Variants in GADL1 observed in about 807,000 individuals in gnomAD.
GADL1 encodes the protein acidic amino acid decarboxylase GADL1.
A neutral mutation model predicts 69.5 loss-of-function variants in GADL1; 71 were observed. The ratio of observed to expected loss-of-function variants is 1.02; its 90% CI spans 0.84 to 1.25. GADL1 has a LOEUF of 1.25. Ranked by LOEUF, GADL1 falls within the 50% of genes most tolerant of loss-of-function variation. The probability of loss-of-function intolerance (pLI) is 0.00; values close to 1 mark genes in which losing one functional copy is unlikely to be tolerated. For synonymous variants in GADL1, 254 were observed against 214.4 expected (o/e 1.18, Z -1.62); for missense variants, 737 against 631.8 (o/e 1.17, Z -1.79).
rs535328563 is a variant in GADL1, at chr3:30,751,764, C to G, written c.1393-23349G>C. ...TAGATTTCTGCTGCGCTGGTGCCCC[C>G]CGATGGTCTCGCCATTTCATGGCTC... On this transcript the variant is annotated intron_variant, in intron 14 of 14. Coordinates refer to ENST00000282538, the MANE Select transcript of GADL1 (RefSeq NM_207359.3). Among the ~76,000 whole-genome samples the G allele has an allele frequency of 1.4e-4, 21 of 152,034 alleles. 1 individual carries two copies. The highest frequency in any genetic ancestry group is 1.1e-3 in the Admixed American group (17 of 15,266).
intron 14 of GADL1, among the ~76,000 whole-genome samples, chr3:30,757,246 G>A (rs924713892): frequency 1.3e-5 from 2 of 151,946 alleles, no homozygotes; most frequent in Admixed American, 6.6e-5. Flanking sequence ...TCAATCAAGA[G>A]TCAAATACTC....
rs180700252 is a variant in GADL1, at chr3:30,891,563, T to G, written c.37+3015A>C. 1.5e-3 allele frequency among the ~76,000 whole-genome samples: 224 copies of G among 151,358 alleles called. 3 individuals are homozygous for G. The highest frequency in any genetic ancestry group is 5.2e-3 in the African/African-American group (214 of 41,218). ...AGGGCCAGGGATTAGGTGTTAGGAG[T>G]GTAGGGGTGCGGGACTCTGGAGTGA... On this transcript the variant is annotated intron_variant, in intron 1 of 14. Transcript: ENST00000282538.
At chr3:30,867,439 T>TACAC (rs1553603472) in intron 1 of GADL1, among the ~76,000 whole-genome samples, 4 of 138,868 alleles carry the variant, frequency 2.9e-5, no homozygotes, top group South Asian at 4.7e-4. Flanking sequence ...TATATATATA[T>TACAC]ACACATATAT....
rs1255337732 is a variant in GADL1 at position 30,728,425 on chromosome 3, G to C, written c.1393-10C>G. ...TAATGGCTGGGGCCACCTGTGTGGG[G>C]AGAAAAGGGGAGAGGGGTGAAAGAC... On this transcript the variant is annotated splice_polypyrimidine_tract_variant and intron_variant, in intron 14 of 14. Coordinates refer to ENST00000282538, the MANE Select transcript of GADL1 (RefSeq NM_207359.3). The C allele has an allele frequency of 5.6e-6, 9 of 1,610,898 alleles. No individual in the cohort carries two copies. In the Admixed American group the frequency reaches 1.3e-4, roughly 24 times the overall value.
At chr3:30,883,709 T>G (rs144251378) in intron 1 of GADL1, among the ~76,000 whole-genome samples, 1 of 151,998 alleles carries the variant, frequency 6.6e-6, no homozygotes, top group South Asian at 2.1e-4. Flanking sequence ...ATAAAGATTG[T>G]GTTAAATCTG....
intron 14 of GADL1, among the ~76,000 whole-genome samples, chr3:30,736,205 C>T (rs944297579): frequency 2.6e-5 from 4 of 152,042 alleles, no homozygotes; most frequent in African/African-American, 9.7e-5. Context: ...AATAACACCC[C>T]TTTTCATGGC....
intron 12 of GADL1, chr3:30,798,974 G>C (rs1443264658): frequency 6.6e-6 from 1 of 152,262 alleles, no homozygotes; most frequent in South Asian, 2.1e-4. Context: ...CAAGAGGTGG[G>C]TTCCCATAGC....
chr3:30,763,988 C>T (rs1367857286), intron 14 of GADL1, among the ~76,000 whole-genome samples: 1 of 151,948 alleles, frequency 6.6e-6, no homozygotes, highest in Non-Finnish European at 1.5e-5. Flanking sequence ...GAATAAAATA[C>T]ATAAAATATT....
At chr3:30,857,567 A>C (rs1235428627) in intron 2 of GADL1, among the ~76,000 whole-genome samples, 3 of 152,022 alleles carry the variant, frequency 2.0e-5, no homozygotes, top group African/African-American at 7.2e-5. Flanking sequence ...GGAAATAAAC[A>C]GGAATGCTGA....
intron 1 of GADL1, among the ~76,000 whole-genome samples, chr3:30,894,215 C>T (rs1319224920): frequency 6.6e-6 from 1 of 152,164 alleles, no homozygotes; most frequent in African/African-American, 2.4e-5. Context: ...ATGATGCTGT[C>T]CTTGTCCCCC....
intron 14 of GADL1, among the ~76,000 whole-genome samples, chr3:30,761,771 A>T (rs1696140690): frequency 6.6e-6 from 1 of 152,200 alleles, no homozygotes; most frequent in African/African-American, 2.4e-5. Flanking sequence ...CACTTTTTCT[A>T]CCTTATCACT....
At chr3:30,880,873 C>G (rs1357289716) in intron 1 of GADL1, among the ~76,000 whole-genome samples, 1 of 151,768 alleles carries the variant, frequency 6.6e-6, no homozygotes, top group Non-Finnish European at 1.5e-5. Context: ...AATTAGACCT[C>G]AAGAAAGCTC....
At chr3:30,796,366 C>G (rs984366704) in intron 12 of GADL1, among the ~76,000 whole-genome samples, 1 of 152,116 alleles carries the variant, frequency 6.6e-6, no homozygotes. Context: ...CACTTCAACC[C>G]TATCTCTAAC....
chr3:30,766,716 GGA>G (rs1465245457), intron 14 of GADL1, among the ~76,000 whole-genome samples: 3 of 152,144 alleles, frequency 2.0e-5, no homozygotes, highest in Admixed American at 2.0e-4. Flanking sequence ...AGTAAAGACA[GGA>G]GAGAGCAGGT....
intron 14 of GADL1, among the ~76,000 whole-genome samples, chr3:30,776,211 A>G (rs1696533004): frequency 6.6e-6 from 1 of 152,228 alleles, no homozygotes; most frequent in South Asian, 2.1e-4. Context: ...AACAGTACTG[A>G]GTTAGACACA....
chr3:30,749,930 A>G (rs1695776231), intron 14 of GADL1, among the ~76,000 whole-genome samples: 1 of 152,226 alleles, frequency 6.6e-6, no homozygotes, highest in Non-Finnish European at 1.5e-5. Context: ...GGTATTCTAC[A>G]GCCAATGATG....
At chr3:30,847,023 C>T (rs1284925012) in intron 6 of GADL1, among the ~76,000 whole-genome samples, 1 of 152,188 alleles carries the variant, frequency 6.6e-6, no homozygotes, top group African/African-American at 2.4e-5. Context: ...AGTGGCAAAT[C>T]ATAATTACTG....
At chr3:30,782,393 C>T (rs1696685679) in intron 13 of GADL1, among the ~76,000 whole-genome samples, 1 of 151,944 alleles carries the variant, frequency 6.6e-6, no homozygotes, top group Admixed American at 6.6e-5. Context: ...ACTAAGCATT[C>T]AAGATATACT....
chr3:30,797,841 A>T (rs2125505247), intron 12 of GADL1: 1 of 152,244 alleles, frequency 6.6e-6, no homozygotes, highest in South Asian at 2.1e-4. Flanking sequence ...AAGCATTTCA[A>T]ATATTGAAAT....
Sources: gnomAD v4.1 joint callset for allele counts (sites outside exome capture counted in the v4.1 genomes callset) on GRCh38, gnomAD v4.1.1 for gene constraint, MANE v1.5 for transcripts, NCBI Gene and HGNC (gene_info 2026-07-23, HGNC 2026-07-21) for gene names.